The following SMOC2 variants were observed in gnomAD, a reference collection of about 807,000 sequenced individuals.
SMOC2 encodes SPARC related modular calcium binding 2, also known as SPARC-related modular calcium-binding protein 2.
SMOC2 carries 39 observed loss-of-function variants against 61.4 expected under a neutral mutation model. The observed-to-expected ratio is 0.64, with a 90% confidence interval of 0.49 to 0.83. The LOEUF is 0.83. Ranked by LOEUF, SMOC2 falls within the 40% of genes least tolerant of loss-of-function variation. The pLI, the probability that SMOC2 is intolerant of heterozygous loss-of-function variation, is 0.00. For missense variants in SMOC2, 556 were observed against 592.9 expected (o/e 0.94, Z 0.65); for synonymous variants, 247 against 239.9 (o/e 1.03, Z -0.27).
chr6:168,581,755 C>CG (rs1180513065), intron 7 of SMOC2, among the ~76,000 whole-genome samples: 3 of 152,178 alleles, frequency 2.0e-5, no homozygotes, highest in Non-Finnish European at 4.4e-5. Context: ...ACTGAAAAGC[C>CG]GCAGACCTGC....
chr6:168,590,617 G>A (rs1175377879), intron 7 of SMOC2, among the ~76,000 whole-genome samples: 3 of 152,288 alleles, frequency 2.0e-5, no homozygotes, highest in South Asian at 4.1e-4. Flanking sequence ...AACCTGCAGC[G>A]TGCGATGTCT....
At chr6:168,500,285 TCAA>T (rs1272357251) in intron 1 of SMOC2, among the ~76,000 whole-genome samples, 3 of 44,918 alleles carry the variant, frequency 6.7e-5, no homozygotes, top group African/African-American at 2.9e-4. Context: ...AAACTCTGTC[TCAA>T]AAAAAAAAAA....
chr6:168,653,354 T>A, intron 11 of SMOC2, 126 bp downstream of exon 11: 2 of 1,137,226 alleles, frequency 1.8e-6, no homozygotes, highest in Non-Finnish European at 2.5e-6. Context: ...AAATATGCTG[T>A]TTAATTGTTG....
chr6:168,662,759 G>A (rs1787538932), intron 11 of SMOC2, among the ~76,000 whole-genome samples: 2 of 152,206 alleles, frequency 1.3e-5, no homozygotes, highest in East Asian at 1.9e-4. Context: ...CAGCCTGTGC[G>A]AGGAGTGTCG....
At chr6:168,636,878 G>GCCTCCCT (rs1341656752) in intron 9 of SMOC2, among the ~76,000 whole-genome samples, 1 of 49,060 alleles carries the variant, frequency 2.0e-5, no homozygotes. Context: ...CCCTCCTCCC[G>GCCTCCCT]CCTCCCTCCT....
At chr6:168,511,491 C>A (rs1434096106) in intron 2 of SMOC2, among the ~76,000 whole-genome samples, 1 of 152,150 alleles carries the variant, frequency 6.6e-6, no homozygotes, top group Non-Finnish European at 1.5e-5. Context: ...AAATTACCTC[C>A]CACCAGGTCC....
At chr6:168,592,083 C>A (rs949153103) in intron 7 of SMOC2, among the ~76,000 whole-genome samples, 1 of 152,242 alleles carries the variant, frequency 6.6e-6, no homozygotes, top group African/African-American at 2.4e-5. Flanking sequence ...CTTGACATTT[C>A]CACCTTGGTG....
intron 1 of SMOC2, among the ~76,000 whole-genome samples, chr6:168,471,307 C>G (rs776802469): frequency 9.9e-5 from 15 of 152,178 alleles, no homozygotes; most frequent in Non-Finnish European, 2.9e-5. Flanking sequence ...TAATTCTGCT[C>G]TAAGTACCTC....
chr6:168,563,242 C>T (rs1332330488), intron 7 of SMOC2, among the ~76,000 whole-genome samples: 1 of 152,170 alleles, frequency 6.6e-6, no homozygotes, highest in Non-Finnish European at 1.5e-5. Flanking sequence ...TAAGCACACA[C>T]GTGCATTCAT....
chr6:168,494,752 C>G (rs548126044), intron 1 of SMOC2, among the ~76,000 whole-genome samples: 1 of 152,164 alleles, frequency 6.6e-6, no homozygotes, highest in African/African-American at 2.4e-5. Context: ...AGTGAACCCT[C>G]GGCTGGAGCA....
intron 7 of SMOC2, among the ~76,000 whole-genome samples, chr6:168,552,440 A>G (rs1784148800): frequency 1.1e-5 from 1 of 88,510 alleles, no homozygotes; most frequent in African/African-American, 3.0e-5. Context: ...TTTTTATTAA[A>G]AAGGCCAAAC....
intron 3 of SMOC2, among the ~76,000 whole-genome samples, chr6:168,527,381 A>G (rs562132628): frequency 1.3e-5 from 2 of 152,316 alleles, no homozygotes; most frequent in East Asian, 3.9e-4. Context: ...GTGGCTTCAC[A>G]GGTAAGGTGT....
intron 1 of SMOC2, among the ~76,000 whole-genome samples, chr6:168,506,603 T>G (rs1782875720): frequency 6.6e-6 from 1 of 152,208 alleles, no homozygotes; most frequent in Non-Finnish European, 1.5e-5. Context: ...TGACTGGTTT[T>G]CTAATGTGTG....
At chr6:168,562,604 G>A (rs1416641971) in intron 7 of SMOC2, among the ~76,000 whole-genome samples, 22 of 152,144 alleles carry the variant, frequency 1.4e-4, no homozygotes, top group Admixed American at 1.4e-3. Flanking sequence ...AACAAGAGGC[G>A]AGGGCTAGAT....
Position 168,560,566 on chromosome 6 carries a change from CACTGCATTCTT to C in SMOC2, c.637+11364_637+11374del, listed in dbSNP as rs1562348404. Reference sequence around the variant, plus strand: ...TTCCTGCCCTGAGACACGAGGCTCTCACTGCATTCTTGGAGGAGGTGTCATTTTCCTGCCCT... The same window carrying C: ...TTCCTGCCCTGAGACACGAGGCTCTCGGAGGAGGTGTCATTTTCCTGCCCT... On this transcript the variant is annotated intron_variant, in intron 7 of 12. Transcript: ENST00000356284. 3.2e-3 allele frequency among the ~76,000 whole-genome samples: 432 copies of C among 133,660 alleles called. 37 individuals are homozygous for C. Among genetic ancestry groups the C allele is most frequent in the Non-Finnish European group, 4.9e-3 (310 of 63,098 alleles). 87.7% of individuals were successfully genotyped at this position (133,660 alleles called of 152,430 possible).
At chr6:168,488,070 T>C (rs972619544) in intron 1 of SMOC2, among the ~76,000 whole-genome samples, 1 of 152,238 alleles carries the variant, frequency 6.6e-6, no homozygotes, top group Non-Finnish European at 1.5e-5. Flanking sequence ...TTCTAGGGGC[T>C]GCCCTATCAC....
intron 1 of SMOC2, among the ~76,000 whole-genome samples, chr6:168,469,332 C>A (rs1463755338): frequency 6.6e-6 from 1 of 152,208 alleles, no homozygotes; most frequent in African/African-American, 2.4e-5. Flanking sequence ...TTGCAACTTC[C>A]TAACGGAGCA....
chr6:168,456,959 G>T (rs1374883868), intron 1 of SMOC2, among the ~76,000 whole-genome samples: 1 of 152,154 alleles, frequency 6.6e-6, no homozygotes. Context: ...CAAGACTAGG[G>T]CTGCAGGGTT....
intron 1 of SMOC2, among the ~76,000 whole-genome samples, chr6:168,455,649 T>A (rs76048463): frequency 0.044 from 6,684 of 152,348 alleles, 233 homozygotes; most frequent in Non-Finnish European, 0.069. Flanking sequence ...AGGTACAGAT[T>A]TCATTATTAT....
Sources: gnomAD v4.1 joint callset for allele counts (sites outside exome capture counted in the v4.1 genomes callset) on GRCh38, gnomAD v4.1.1 for gene constraint, MANE v1.5 for transcripts, NCBI Gene and HGNC (gene_info 2026-07-23, HGNC 2026-07-21) for gene names.